LGR5: variants seen among roughly 807,000 people sequenced by gnomAD.
The protein encoded by LGR5 is leucine rich repeat containing G protein-coupled receptor 5.
In LGR5, 54 loss-of-function variants were observed where a neutral mutation model predicts 76.7. That is an observed-to-expected ratio of 0.70 (90% CI 0.57 to 0.88). The LOEUF (loss-of-function observed/expected upper bound fraction) is 0.88, where lower values mean the gene tolerates loss of function less well. LGR5 is among the 40% of genes least tolerant of loss of function. The probability of loss-of-function intolerance (pLI) is 0.00; values close to 1 mark genes in which losing one functional copy is unlikely to be tolerated. For missense variants in LGR5, 1,078 were observed against 1,073.3 expected, an observed-to-expected ratio of 1.00 and a Z score of -0.06; for synonymous variants, 406 against 421.9, an observed-to-expected ratio of 0.96 and a Z score of 0.46.
intron 2 of LGR5, among the ~76,000 whole-genome samples, chr12:71,512,548 C>T (rs1324899900): frequency 6.6e-6 from 1 of 152,174 alleles, no homozygotes; most frequent in Non-Finnish European, 1.5e-5. Flanking sequence ...ACCCAGACAT[C>T]TTTTATTTCA....
chr12:71,445,603 T>C lies in LGR5; in HGVS notation c.212+5311T>C, dbSNP rs1871953451. ...TCATAATTCAAAACTGATTTTGTTA[T>C]CCATAAGTTATATGGTGGGAAGCAG... On this transcript the variant is annotated intron_variant, in intron 1 of 17. Coordinates refer to ENST00000266674, the MANE Select transcript of LGR5 (RefSeq NM_003667.4). 2.0e-5 allele frequency among the ~76,000 whole-genome samples: 3 copies of C among 152,260 alleles called. No homozygotes were observed. The South Asian group carries it at 6.2e-4, about 31-fold the overall frequency.
intron 12 of LGR5, among the ~76,000 whole-genome samples, chr12:71,572,471 T>G (rs566633448): frequency 4.6e-5 from 7 of 152,288 alleles, no homozygotes; most frequent in African/African-American, 1.4e-4. Flanking sequence ...CTCAATGCCT[T>G]TGGGTGCTTA....
intron 1 of LGR5, among the ~76,000 whole-genome samples, chr12:71,498,827 G>C (rs762424803): frequency 6.6e-6 from 1 of 152,202 alleles, no homozygotes; most frequent in African/African-American, 2.4e-5. Context: ...GAACATCCTT[G>C]GTGGTCCGAA....
intron 1 of LGR5, among the ~76,000 whole-genome samples, chr12:71,456,878 T>C (rs1388053675): frequency 6.6e-6 from 1 of 152,074 alleles, no homozygotes; most frequent in Non-Finnish European, 1.5e-5. Flanking sequence ...ATTTCCACTT[T>C]GAAAGGTAAA....
intron 1 of LGR5, among the ~76,000 whole-genome samples, chr12:71,481,264 AG>A (rs1873588701): frequency 1.3e-5 from 2 of 151,356 alleles, no homozygotes; most frequent in South Asian, 4.2e-4. Context: ...ACCCCCTGAC[AG>A]GCCCCAGTGT....
At chr12:71,508,652 G>C (rs902927905) in intron 2 of LGR5, among the ~76,000 whole-genome samples, 8 of 150,874 alleles carry the variant, frequency 5.3e-5, no homozygotes, top group African/African-American at 2.0e-4. Context: ...TACTCAGGAG[G>C]CTGAGGCAGT....
rs371906624 is a variant in LGR5, at chr12:71,580,382, A to C, written c.1511A>C (p.Asp504Ala). The change falls in exon 16 of 18, where the codon GAC becomes GCC. Residue 504 changes from aspartate to alanine, a missense_variant. Coordinates refer to ENST00000266674, the MANE Select transcript of LGR5 (RefSeq NM_003667.4). ...QWNKGDNSSM[D>A]DLHKKDAGMF... ...AATAAAGGTGACAACAGCAGTATGG[A>C]CGACCTTCATAAGAAAGATGCTGGA... 91 of 1,613,854 alleles carry C rather than the reference A, an allele frequency of 5.6e-5. No individual in the cohort carries two copies. The highest frequency in any genetic ancestry group is 6.1e-5 in the Non-Finnish European group (72 of 1,179,950).
chr12:71,566,415 AC>A lies in LGR5; in HGVS notation c.870del (p.Asp290GlufsTer18). The A allele has an allele frequency of 6.3e-7, 1 of 1,598,766 alleles. No homozygotes were observed. On this transcript the variant is annotated frameshift_variant, in exon 9 of 18. Transcript: ENST00000266674. LOFTEE classifies it high-confidence loss of function. ...TGGGTTTCTTTTAGACATTTCTATG[AC>A]AATCCCATCCAGTTTGTTGGGAGAT... ...NPSLITIHFY[D>X]NPIQFVGRSA...
chr12:71,529,665 G>C (rs563488826), intron 3 of LGR5, among the ~76,000 whole-genome samples: 1 of 152,134 alleles, frequency 6.6e-6, no homozygotes, highest in Admixed American at 6.5e-5. Flanking sequence ...TTTAAAAGTA[G>C]AGGCAAATGG....
At chr12:71,449,161 C>A (rs989798104) in intron 1 of LGR5, among the ~76,000 whole-genome samples, 1 of 152,160 alleles carries the variant, frequency 6.6e-6, no homozygotes, top group African/African-American at 2.4e-5. Flanking sequence ...GAAAGGATGC[C>A]TTTTCCTTAT....
Position 71,583,998 on chromosome 12 carries a change from G to T in LGR5, c.1988G>T (p.Gly663Val). 2 of 1,614,160 alleles carry T rather than the reference G, an allele frequency of 1.2e-6. No individual in the cohort carries two copies. The highest frequency in any genetic ancestry group is 1.7e-6 in the Non-Finnish European group (2 of 1,180,044). The change falls in exon 18 of 18, where the codon GGG becomes GTG. Residue 663 changes from glycine to valine, a missense_variant. Gly to Val is a moderately radical substitution (Grantham distance 109). Coordinates refer to ENST00000266674, the MANE Select transcript of LGR5 (RefSeq NM_003667.4). Reference protein sequence around the residue: ...FLLTLAALERGFSVKYSAKFE... With the variant: ...FLLTLAALERVFSVKYSAKFE... ...CTTACTCTGGCAGCCCTGGAGCGTG[G>T]GTTCTCTGTGAAATATTCTGCAAAA... is the stretch of plus-strand genomic sequence containing the variant.
intron 1 of LGR5, among the ~76,000 whole-genome samples, chr12:71,476,667 C>T (rs1873348862): frequency 6.6e-6 from 1 of 152,188 alleles, no homozygotes; most frequent in African/African-American, 2.4e-5. Flanking sequence ...AAACAGCAGA[C>T]ACCACACTAT....
At chr12:71,546,368 C>A (rs2137394528) in intron 4 of LGR5, among the ~76,000 whole-genome samples, 1 of 151,598 alleles carries the variant, frequency 6.6e-6, no homozygotes, top group Middle Eastern at 3.4e-3. Flanking sequence ...TAGCTCTTTG[C>A]CACATAGAAC....
In LGR5 at chr12:71,577,884, TTATTC is replaced by T. The variant is rs749219793; in HGVS notation, c.1209-37_1209-33del. On this transcript the variant is annotated intron_variant, in intron 13 of 17. Transcript: ENST00000266674. ...CATATGATAAAACTTCACATGTTCT[TTATTC>T]TATATAATTCTCTCATTTGCCTTTT... 9.2e-6 allele frequency: 12 copies of T among 1,303,796 alleles called. No homozygotes were observed. In the Admixed American group the frequency reaches 2.0e-4, roughly 22 times the overall value. 80.8% of individuals were successfully genotyped at this position (1,303,796 alleles called of 1,614,324 possible). A position where few individuals can be genotyped will look rare whatever the true frequency, so the allele number is the denominator to read the frequency against.
At chr12:71,485,176 A>G (rs1016373679) in intron 1 of LGR5, among the ~76,000 whole-genome samples, 2 of 152,218 alleles carry the variant, frequency 1.3e-5, no homozygotes, top group Admixed American at 6.5e-5. Flanking sequence ...AGTCTATGTT[A>G]TTATAATGAT....
intron 1 of LGR5, among the ~76,000 whole-genome samples, chr12:71,489,089 G>A (rs894449213): frequency 2.0e-5 from 3 of 152,098 alleles, no homozygotes; most frequent in African/African-American, 7.2e-5. Flanking sequence ...ATCCCACTAA[G>A]GGTGGCAATC....
intron 1 of LGR5, among the ~76,000 whole-genome samples, chr12:71,447,507 C>T (rs1211511929): frequency 2.0e-5 from 3 of 152,176 alleles, no homozygotes; most frequent in African/African-American, 7.2e-5. Flanking sequence ...CAGCTTTTTA[C>T]TGACTTAACA....
In LGR5 at chr12:71,564,907, C is replaced by T. The variant is rs537675890; in HGVS notation, c.858-1497C>T. Among the ~76,000 whole-genome samples, 9 of 150,160 alleles carry T rather than the reference C, an allele frequency of 6.0e-5. No homozygotes were observed. In the South Asian group the frequency reaches 6.3e-4, roughly 10 times the overall value. On this transcript the variant is annotated intron_variant, in intron 8 of 17. Coordinates refer to ENST00000266674, the MANE Select transcript of LGR5 (RefSeq NM_003667.4). ...ATACATATATAAATATATGTATACCCACACACTATATATACATATATGTGT... is the reference window on the plus strand; with the variant it reads ...ATACATATATAAATATATGTATACCTACACACTATATATACATATATGTGT...
At chr12:71,539,582 A>AT (rs1876773302) in intron 4 of LGR5, among the ~76,000 whole-genome samples, 1 of 151,960 alleles carries the variant, frequency 6.6e-6, no homozygotes, top group African/African-American at 2.4e-5. Context: ...GGTTCAAGCG[A>AT]TTTTTCTGCC....
Sources: gnomAD v4.1 joint callset for allele counts (sites outside exome capture counted in the v4.1 genomes callset) on GRCh38, gnomAD v4.1.1 for gene constraint, MANE v1.5 for transcripts, NCBI Gene and HGNC (gene_info 2026-07-23, HGNC 2026-07-21) for gene names.